The following ESRRB variants were observed in gnomAD, a reference collection of about 807,000 sequenced individuals.
The protein encoded by ESRRB is estrogen related receptor beta, also known as steroid hormone receptor ERR2.
In ESRRB, 16 loss-of-function variants were observed where a neutral mutation model predicts 46.0. The observed-to-expected ratio is 0.35, with a 90% CI of 0.24 to 0.53. ESRRB has a LOEUF of 0.53. Ranked by LOEUF, ESRRB falls within the 20% of genes least tolerant of loss-of-function variation. The pLI is 0.93. For missense variants in ESRRB, 488 were observed against 607.4 expected, an observed-to-expected ratio of 0.80 and a Z score of 2.07; for synonymous variants, 246 against 259.6, an observed-to-expected ratio of 0.95 and a Z score of 0.50.
chr14:76,468,609 C>T (rs1446774000), intron 3 of ESRRB, among the ~76,000 whole-genome samples: 2 of 152,032 alleles, frequency 1.3e-5, no homozygotes, highest in South Asian at 2.1e-4. Context: ...ACGGTGGTCA[C>T]GTAGGCCTGG....
chr14:76,355,751 A>G (rs1314406890), intron 1 of ESRRB, among the ~76,000 whole-genome samples: 1 of 152,170 alleles, frequency 6.6e-6, no homozygotes, highest in African/African-American at 2.4e-5. Flanking sequence ...ACATCAGAGC[A>G]CCCAGCACAG....
At chr14:76,467,587 TTTGGGGA>T (rs1447954755) in intron 3 of ESRRB, among the ~76,000 whole-genome samples, 2 of 151,994 alleles carry the variant, frequency 1.3e-5, no homozygotes, top group Non-Finnish European at 2.9e-5. Context: ...GCCCCTTGTG[TTTGGGGA>T]GGCAGACTGG....
At chr14:76,340,196 G>A (rs998122113) in intron 1 of ESRRB, among the ~76,000 whole-genome samples, 8 of 152,152 alleles carry the variant, frequency 5.3e-5, no homozygotes, top group Non-Finnish European at 7.4e-5. Context: ...GGAGGGAATC[G>A]CTCTAACTCT....
At position 76,499,743 on chromosome 14, in the gene ESRRB, TCCCAGGAAACTCCTCTAC is replaced by T. The variant is rs1270917411; in HGVS notation, c.*1292_*1309del. On this transcript the variant is annotated 3_prime_UTR_variant, in exon 7 of 7. Coordinates refer to ENST00000644823, the MANE Select transcript of ESRRB (RefSeq NM_001379180.1). ...TTGGTTTGTCCAGGACGTTTCTTTA[TCCCAGGAAACTCCTCTAC>T]CCCAGGCACACGGGGACAGTGGGTC... 1 of 874,354 alleles carries T rather than the reference TCCCAGGAAACTCCTCTAC, an allele frequency of 1.1e-6. No individual in the cohort carries two copies. Among genetic ancestry groups the T allele is most frequent in the East Asian group, 2.4e-5 (1 of 41,342 alleles). 54.2% of individuals were successfully genotyped at this position (874,354 alleles called of 1,614,324 possible). A position where few individuals can be genotyped will look rare whatever the true frequency, so the allele number is the denominator to read the frequency against.
At chr14:76,372,284 T>A (rs1884644090), upstream of ESRRB, among the ~76,000 whole-genome samples, 1 of 152,096 alleles carries the variant, frequency 6.6e-6, no homozygotes, top group Non-Finnish European at 1.5e-5. Flanking sequence ...AGGCTGTGTG[T>A]GAAAATTTTT....
chr14:76,333,041 T>C (rs1457378579), intron 1 of ESRRB, among the ~76,000 whole-genome samples: 1 of 6,960 alleles, frequency 1.4e-4, no homozygotes, highest in Non-Finnish European at 2.6e-4. Context: ...ATATATTATA[T>C]ATTATATATT....
chr14:76,442,624 G>A (rs143392206), intron 2 of ESRRB, among the ~76,000 whole-genome samples: 145 of 152,136 alleles, frequency 9.5e-4, no homozygotes, highest in African/African-American at 3.5e-3. Context: ...ACAAATGTTT[G>A]TAATTATTAT....
At chr14:76,421,254 T>TA (rs1227307340) in intron 1 of ESRRB, among the ~76,000 whole-genome samples, 1 of 152,172 alleles carries the variant, frequency 6.6e-6, no homozygotes, top group Non-Finnish European at 1.5e-5. Flanking sequence ...CCAGAGTGGT[T>TA]AAAATCCCAT....
chr14:76,393,445 G>T (rs551148110), intron 1 of ESRRB, among the ~76,000 whole-genome samples: 2 of 152,298 alleles, frequency 1.3e-5, no homozygotes, highest in South Asian at 4.1e-4. Flanking sequence ...ATATGGTCAG[G>T]CAATGGATCT....
At chr14:76,332,542 A>G (rs1884026629) in intron 1 of ESRRB, among the ~76,000 whole-genome samples, 3 of 83,400 alleles carry the variant, frequency 3.6e-5, no homozygotes, top group African/African-American at 1.4e-4. Flanking sequence ...ACAATATAAT[A>G]TATATTTATA....
intron 1 of ESRRB, among the ~76,000 whole-genome samples, chr14:76,414,221 G>T (rs187748677): frequency 4.7e-3 from 429 of 91,466 alleles, no homozygotes; most frequent in Non-Finnish European, 6.3e-3. Flanking sequence ...CCTGCATACT[G>T]CATGCCCTGA....
chr14:76,311,094 C>T (rs1361725768), intron 1 of ESRRB, among the ~76,000 whole-genome samples: 6 of 151,112 alleles, frequency 4.0e-5, no homozygotes, highest in African/African-American at 1.2e-4. Context: ...CCTGTGTGGC[C>T]GAGAGGAAAA....
At chr14:76,448,784 T>C (rs561158176) in intron 2 of ESRRB, among the ~76,000 whole-genome samples, 20 of 152,318 alleles carry the variant, frequency 1.3e-4, no homozygotes, top group African/African-American at 4.6e-4. Flanking sequence ...TTGGGCCAGT[T>C]TGCATATGTG....
intron 1 of ESRRB, among the ~76,000 whole-genome samples, chr14:76,380,312 T>C (rs1884958225): frequency 6.6e-6 from 1 of 151,450 alleles, no homozygotes; most frequent in African/African-American, 2.4e-5. Flanking sequence ...GGCGGTGGAG[T>C]TGGCCATGAA....
chr14:76,401,083 C>T (rs1000603149), intron 1 of ESRRB, among the ~76,000 whole-genome samples: 10 of 152,246 alleles, frequency 6.6e-5, no homozygotes, highest in Non-Finnish European at 1.3e-4. Context: ...GAGCCCTACA[C>T]TGTCCAATAT....
chr14:76,463,445 G>GTTTTTTTTGTTTTGTTTTTTTTT (rs1362309981), intron 3 of ESRRB: 13 of 114,738 alleles, frequency 1.1e-4, no homozygotes, highest in African/African-American at 4.4e-4. Context: ...ATGCTTCTTT[G>GTTTTTTTTGTTTTGTTTTTTTTT]TTTTTTTTTT....
Position 76,500,745 on chromosome 14 carries a change from G to A in ESRRB, c.*2287G>A, listed in dbSNP as rs372618689. 1.1e-3 allele frequency: 1,811 copies of A among 1,613,634 alleles called. 32 individuals are homozygous for A. The South Asian group carries it at 0.018, about 16-fold the overall frequency. ...AACATCTGGCTTGGAGCAAGTGGGT[G>A]TTCTGCACACCAGGCAGCTGCACCT... On this transcript the variant is annotated 3_prime_UTR_variant, in exon 7 of 7. Transcript: ENST00000644823.
intron 3 of ESRRB, among the ~76,000 whole-genome samples, chr14:76,467,603 G>A (rs1009957418): frequency 6.6e-6 from 1 of 151,930 alleles, no homozygotes; most frequent in African/African-American, 2.4e-5. Flanking sequence ...GAGGCAGACT[G>A]GTGTCTGGCC....
In ESRRB at chr14:76,482,703, G is replaced by C; in HGVS notation, c.794G>C (p.Cys265Ser). The change falls in exon 5 of 7, where the codon TGT becomes TCT. Residue 265 changes from cysteine (C) to serine (S), a missense_variant. Coordinates refer to ENST00000644823, the MANE Select transcript of ESRRB (RefSeq NM_001379180.1). The surrounding 1 kb of genome is among the most constrained non-coding windows in gnomAD (Gnocchi z 4.3). ...GACATCAAGGCCCTGACCACTCTCT[G>C]TGACCTGGCAGACCGAGAGCTTGTG... ...EGDIKALTTLCDLADRELVVI... is the reference protein window; with the variant it reads ...EGDIKALTTLSDLADRELVVI... 6.2e-7 allele frequency: 1 copy of C among 1,614,216 alleles called. No individual in the cohort carries two copies. The highest frequency in any genetic ancestry group is 8.5e-7 in the Non-Finnish European group (1 of 1,180,028).
Sources: allele counts gnomAD v4.1 joint callset (sites outside exome capture counted in the v4.1 genomes callset), GRCh38; gene constraint gnomAD v4.1.1; non-coding constraint Gnocchi (gnomAD v3.1); transcripts MANE v1.5; gene names NCBI Gene and HGNC (gene_info 2026-07-23, HGNC 2026-07-21).